The following LNX2 variants were observed in gnomAD, a reference collection of about 807,000 sequenced individuals.
LNX2 encodes ligand of Numb protein X 2.
Under a neutral mutation model 66.2 loss-of-function variants are expected in LNX2, and 35 were observed. The observed-to-expected ratio is 0.53, with a 90% CI of 0.40 to 0.70. The LOEUF (loss-of-function observed/expected upper bound fraction) is 0.70, where lower values mean the gene tolerates loss of function less well. Ranked by LOEUF, LNX2 falls within the 30% of genes least tolerant of loss-of-function variation. The pLI is 0.00. For synonymous variants in LNX2, 337 were observed against 315.6 expected (o/e 1.07, Z -0.72); for missense variants, 791 against 850.8 (o/e 0.93, Z 0.87).
intron 1 of LNX2, among the ~76,000 whole-genome samples, chr13:27,600,390 G>C (rs1246099009): frequency 6.6e-6 from 1 of 152,150 alleles, no homozygotes; most frequent in Non-Finnish European, 1.5e-5. Flanking sequence ...CGAAAAGCAT[G>C]CATATCAGGA....
intron 7 of LNX2, 126 bp from the exon 8 acceptor site, chr13:27,553,565 A>T (rs1955028786): frequency 1.6e-6 from 1 of 620,970 alleles, no homozygotes; most frequent in Non-Finnish European, 2.8e-6. Context: ...GTATAATAAT[A>T]AATGGCATTT....
chr13:27,548,660 C>A (rs1036434900), intron 9 of LNX2, among the ~76,000 whole-genome samples, 190 bp from the exon 10 acceptor site: 1 of 152,200 alleles, frequency 6.6e-6, no homozygotes, highest in South Asian at 2.1e-4. Context: ...ATCAAGGAAA[C>A]CCCTGTGCCG....
chr13:27,562,848 T>C, intron 4 of LNX2, 67 bp from the exon 5 acceptor site: 1 of 1,513,764 alleles, frequency 6.6e-7, no homozygotes, highest in Non-Finnish European at 8.9e-7. Flanking sequence ...GGAATGTTTA[T>C]GTGACATTTC....
intron 1 of LNX2, among the ~76,000 whole-genome samples, chr13:27,599,520 A>G (rs760694121): frequency 5.9e-5 from 9 of 152,218 alleles, no homozygotes; most frequent in Non-Finnish European, 1.2e-4. Flanking sequence ...TGAACTTACG[A>G]TTCCCGTAAA....
At chr13:27,584,846 G>A (rs1248360447) in intron 1 of LNX2, among the ~76,000 whole-genome samples, 3 of 152,092 alleles carry the variant, frequency 2.0e-5, no homozygotes, top group Admixed American at 6.6e-5. Flanking sequence ...GGCTGGGCAC[G>A]GTGGCTCACG....
At chr13:27,573,857 T>G (rs1955313867) in intron 2 of LNX2, among the ~76,000 whole-genome samples, 1 of 151,706 alleles carries the variant, frequency 6.6e-6, no homozygotes, top group Admixed American at 6.6e-5. Context: ...ATTATATTAT[T>G]TAAAATGTCC....
chr13:27,607,610 T>C (rs1955731435), intron 1 of LNX2, among the ~76,000 whole-genome samples: 1 of 152,228 alleles, frequency 6.6e-6, no homozygotes, highest in Non-Finnish European at 1.5e-5. Flanking sequence ...TAAAGCACTG[T>C]TGAAATACTG....
At chr13:27,587,626 T>C (rs1236639683) in intron 1 of LNX2, among the ~76,000 whole-genome samples, 1 of 152,194 alleles carries the variant, frequency 6.6e-6, no homozygotes, top group Non-Finnish European at 1.5e-5. Flanking sequence ...CCCTTTAATC[T>C]ACAAAGGGGT....
At chr13:27,606,780 T>C (rs1955721787) in intron 1 of LNX2, among the ~76,000 whole-genome samples, 1 of 152,126 alleles carries the variant, frequency 6.6e-6, no homozygotes, top group South Asian at 2.1e-4. Context: ...CACTTTCATG[T>C]GTATGGAAGT....
At chr13:27,596,258 T>C (rs961331409) in intron 1 of LNX2, among the ~76,000 whole-genome samples, 5 of 152,218 alleles carry the variant, frequency 3.3e-5, no homozygotes, top group African/African-American at 1.2e-4. Flanking sequence ...TATGCACATT[T>C]TGTCATTTAC....
chr13:27,587,826 C>A (rs1169000115), intron 1 of LNX2, among the ~76,000 whole-genome samples: 2 of 152,078 alleles, frequency 1.3e-5, no homozygotes, highest in Non-Finnish European at 2.9e-5. Flanking sequence ...TCAAGACCAT[C>A]CTGGCTAACA....
At chr13:27,589,787 T>C (rs1955528583) in intron 1 of LNX2, among the ~76,000 whole-genome samples, 1 of 152,206 alleles carries the variant, frequency 6.6e-6, no homozygotes, top group South Asian at 2.1e-4. Context: ...AAAAAGGAAA[T>C]ATATTAAATA....
chr13:27,559,229 A>G (rs1403584031), intron 6 of LNX2, among the ~76,000 whole-genome samples: 1 of 152,198 alleles, frequency 6.6e-6, no homozygotes, highest in Non-Finnish European at 1.5e-5. Context: ...CCAGTGAAAT[A>G]CTGATTCTGA....
Position 27,556,565 on chromosome 13 carries a change from A to T in LNX2, c.1369-152T>A, listed in dbSNP as rs1955063673. On this transcript the variant is annotated intron_variant, in intron 6 of 9. Transcript: ENST00000316334. ...CAAATGAAAGTAATACACAGTTCTT[A>T]ATAAGTCTGCTGTGGATCAATGTCA... The T allele has an allele frequency of 2.3e-5, 16 of 703,424 alleles. No homozygotes were observed. In the East Asian group the frequency reaches 4.4e-4, roughly 19 times the overall value. The allele number at this position is 703,424 out of a possible 1,614,324, so 43.6% of individuals were successfully genotyped here. A position where few individuals can be genotyped will look rare whatever the true frequency, so the allele number is the denominator to read the frequency against.
intron 5 of LNX2, among the ~76,000 whole-genome samples, 182 bp downstream of exon 5, chr13:27,562,231 G>A (rs1353167804): frequency 6.6e-6 from 1 of 152,178 alleles, no homozygotes; most frequent in African/African-American, 2.4e-5. Context: ...ATAGTTTTTA[G>A]AAAAGACTAT....
chr13:27,590,722 G>T (rs17811793), intron 1 of LNX2, among the ~76,000 whole-genome samples: 3 of 152,008 alleles, frequency 2.0e-5, no homozygotes, highest in Non-Finnish European at 4.4e-5. Flanking sequence ...AAATGCAAAA[G>T]AATCGGGTGG....
Position 27,562,648 on chromosome 13 carries a change from C to A in LNX2, c.989G>T (p.Ser330Ile). The change falls in exon 5 of 10, where the codon AGT (serine) becomes ATT (isoleucine). Residue 330 changes from serine to isoleucine, a missense_variant. Ser to Ile is a moderately radical substitution (Grantham distance 142). Coordinates refer to ENST00000316334, the MANE Select transcript of LNX2 (RefSeq NM_153371.4). Reference protein sequence around the residue: ...FGNRAHNHSDSNSPREEIFQV... With the variant: ...FGNRAHNHSDINSPREEIFQV... The stretch of plus-strand genomic sequence containing the variant: ...GAAAATCTCTTCTCGTGGAGAGTTA[C>A]TATCAGAATGGTTGTGTGCTCGGTT... 6.2e-7 allele frequency: 1 copy of A among 1,614,184 alleles called. No homozygotes were observed. The highest frequency in any genetic ancestry group is 8.5e-7 in the Non-Finnish European group (1 of 1,180,038).
chr13:27,611,671 A>G (rs1267795676), intron 1 of LNX2, among the ~76,000 whole-genome samples: 1 of 152,166 alleles, frequency 6.6e-6, no homozygotes, highest in Admixed American at 6.5e-5. Flanking sequence ...TACTTCAACC[A>G]CTGAAAATTC....
intron 2 of LNX2, among the ~76,000 whole-genome samples, chr13:27,580,251 A>G (rs1042257101): frequency 7.2e-5 from 11 of 152,106 alleles, no homozygotes; most frequent in Non-Finnish European, 1.3e-4. Context: ...CTTGAGTCTA[A>G]CTACAGCATT....
Sources: gnomAD v4.1 joint callset for allele counts (sites outside exome capture counted in the v4.1 genomes callset) on GRCh38, gnomAD v4.1.1 for gene constraint, MANE v1.5 for transcripts, NCBI Gene and HGNC (gene_info 2026-07-23, HGNC 2026-07-21) for gene names.